KLF10: variants seen among roughly 807,000 people sequenced by gnomAD.
KLF10 encodes KLF transcription factor 10.
Under a neutral mutation model 31.6 loss-of-function variants are expected in KLF10, and 17 were observed. The observed-to-expected ratio is 0.54, with a 90% confidence interval of 0.37 to 0.81. KLF10 has a LOEUF of 0.81. Ranked by LOEUF, KLF10 falls within the 30% of genes least tolerant of loss-of-function variation. The probability of loss-of-function intolerance (pLI) is 0.00; values close to 1 mark genes in which losing one functional copy is unlikely to be tolerated. For missense variants in KLF10, 525 were observed against 598.1 expected (o/e 0.88, Z 1.27); for synonymous variants, 239 against 215.1 (o/e 1.11, Z -0.97).
chr8:102,650,134 A>C lies in KLF10; in HGVS notation c.1441T>G (p.Ter481GlyextTer5). Reference sequence around the variant, plus strand: ...CTGACTCTTCACTTTCCGGTCTGTCACTGTGTGGGAGCAGGGGTTGGAGGT... The same window carrying C: ...CTGACTCTTCACTTTCCGGTCTGTCCCTGTGTGGGAGCAGGGGTTGGAGGT... ...ALPPTPAPTQ* is the reference protein window; with the variant it reads ...ALPPTPAPTQG Residue 481 changes from the stop codon to glycine (G), a stop_lost, in exon 4 of 4, where the codon TGA becomes GGA. Transcript: ENST00000285407. 6.2e-7 allele frequency: 1 copy of C among 1,614,092 alleles called. No homozygotes were observed. The highest frequency in any genetic ancestry group is 8.5e-7 in the Non-Finnish European group (1 of 1,179,972).
At position 102,649,728 on chromosome 8, in the gene KLF10, T is replaced by C. The variant is rs537662986; in HGVS notation, c.*404A>G. 2.8e-4 allele frequency: 56 copies of C among 202,908 alleles called. No individual in the cohort carries two copies. The highest frequency in any genetic ancestry group is 5.4e-4 in the Non-Finnish European group (53 of 98,202). 12.6% of individuals were successfully genotyped at this position (202,908 alleles called of 1,614,324 possible). Reference sequence around the variant, plus strand: ...CTCCATGTCTGTACCGTAATGTTTATTTCCTTCCAGCCTCCATATTCTTGA... The same window carrying C: ...CTCCATGTCTGTACCGTAATGTTTACTTCCTTCCAGCCTCCATATTCTTGA... On this transcript the variant is annotated 3_prime_UTR_variant, in exon 4 of 4. Coordinates refer to ENST00000285407, the MANE Select transcript of KLF10 (RefSeq NM_005655.4).
chr8:102,650,408 C>G lies in KLF10; in HGVS notation c.1184-17G>C, dbSNP rs142907088. 2.1e-5 allele frequency: 34 copies of G among 1,607,338 alleles called. No individual in the cohort carries two copies. Among genetic ancestry groups the G allele is most frequent in the Non-Finnish European group, 2.7e-5 (32 of 1,174,992 alleles). Reference sequence around the variant, plus strand: ...GCTTTTCTCCTAAAACAAAGACATACAAATCATTATTATGCATAAGATTGC... The same window carrying G: ...GCTTTTCTCCTAAAACAAAGACATAGAAATCATTATTATGCATAAGATTGC... On this transcript the variant is annotated splice_polypyrimidine_tract_variant and intron_variant, in intron 3 of 3. Coordinates refer to ENST00000285407, the MANE Select transcript of KLF10 (RefSeq NM_005655.4).
chr8:102,653,737 G>A lies in KLF10; in HGVS notation c.37-1340C>T, dbSNP rs960492377. ...CGCGTGTGTGTAACAGCCCCAAGAC[G>A]CCAATGCAAAAAAAGGAAAAAAGAA... On this transcript the variant is annotated intron_variant, in intron 1 of 3. Coordinates refer to ENST00000285407, the MANE Select transcript of KLF10 (RefSeq NM_005655.4). 11 of 1,162,570 alleles carry A rather than the reference G, an allele frequency of 9.5e-6. No individual in the cohort carries two copies. The African/African-American group carries it at 1.8e-4, about 19-fold the overall frequency. The allele number at this position is 1,162,570 out of a possible 1,614,324, so 72.0% of individuals were successfully genotyped here.
At chr8:102,652,727 C>G (rs1827246863) in intron 1 of KLF10, among the ~76,000 whole-genome samples, 1 of 152,068 alleles carries the variant, frequency 6.6e-6, no homozygotes, top group African/African-American at 2.4e-5. Flanking sequence ...CGAAAATTAT[C>G]AATGCATTTG....
Position 102,651,791 on chromosome 8 carries a change from G to C in KLF10, c.541C>G (p.Gln181Glu). The change falls in exon 3 of 4, where the codon CAG (glutamine) becomes GAG (glutamate). Residue 181 changes from glutamine to glutamate, a missense_variant. By Grantham distance (29) the Gln-to-Glu change is conservative. Coordinates refer to ENST00000285407, the MANE Select transcript of KLF10 (RefSeq NM_005655.4). ...PMKAASILNY[Q>E]NNSFRRRTHL... ...GTTCTTCTTCTAAAAGAATTGTTCT[G>C]ATAGTTGAGGATGCTGGCTGCTTTC... 3 of 1,614,214 alleles carry C rather than the reference G, an allele frequency of 1.9e-6. No individual in the cohort carries two copies.
At chr8:102,651,026 T>G in intron 3 of KLF10, 123 bp downstream of exon 3, 1 of 913,844 alleles carries the variant, frequency 1.1e-6, no homozygotes, top group Non-Finnish European at 1.6e-6. Flanking sequence ...GACCTTGCAC[T>G]GGTAAATACC....
rs1827212561 is a variant in KLF10 at position 102,651,554 on chromosome 8, G to A, written c.778C>T (p.Pro260Ser). Residue 260 changes from proline to serine, a missense_variant, in exon 3 of 4, where the codon CCT (proline) becomes TCT (serine). Coordinates refer to ENST00000285407, the MANE Select transcript of KLF10 (RefSeq NM_005655.4). ...PQQKSVLVSPPAVSAGGVPPM... is the reference protein window; with the variant it reads ...PQQKSVLVSPSAVSAGGVPPM... ...GGCACTCCCCCTGCAGATACTGCAG[G>A]TGGAGAGACCAACACTGACTTCTGT... 1 of 1,614,120 alleles carries A rather than the reference G, an allele frequency of 6.2e-7. No individual in the cohort carries two copies. The highest frequency in any genetic ancestry group is 2.2e-5 in the East Asian group (1 of 44,888).
chr8:102,653,400 T>C (rs1215498838), intron 1 of KLF10: 3 of 1,322,756 alleles, frequency 2.3e-6, no homozygotes, highest in Non-Finnish European at 3.1e-6. Flanking sequence ...TTTGCACTTA[T>C]TTGTAGAACT....
Position 102,649,990 on chromosome 8 carries a change from G to A in KLF10, c.*142C>T, listed in dbSNP as rs1354896113. ...GAAGCCCTTTTAGTCACCTAACCCA[G>A]GCGGGGCCTTCGTGCCAGGCTGTGG... is the stretch of plus-strand genomic sequence containing the variant. On this transcript the variant is annotated 3_prime_UTR_variant, in exon 4 of 4. Transcript: ENST00000285407. 2.8e-6 allele frequency: 3 copies of A among 1,089,088 alleles called. No individual in the cohort carries two copies. Among genetic ancestry groups the A allele is most frequent in the Non-Finnish European group, 3.9e-6 (3 of 773,486 alleles). The allele number at this position is 1,089,088 out of a possible 1,614,324, so 67.5% of individuals were successfully genotyped here.
At chr8:102,655,538 A>G in intron 1 of KLF10, 28 bp downstream of exon 1, 1 of 1,613,700 alleles carries the variant, frequency 6.2e-7, no homozygotes. Flanking sequence ...CAGGCGAGGA[A>G]GCACAGGGGC....
intron 1 of KLF10, among the ~76,000 whole-genome samples, chr8:102,654,645 C>T (rs1158327263): frequency 1.3e-5 from 2 of 152,054 alleles, no homozygotes; most frequent in East Asian, 1.9e-4. Flanking sequence ...CGCGGCGCCC[C>T]CTCCCCGTGG....
chr8:102,651,531 C>T lies in KLF10; in HGVS notation c.801G>A (p.Val267=). ...VSPPAVSAGG[V]PPMPVICQMV... is the part of the protein sequence containing the mutation. The stretch of plus-strand genomic sequence containing the variant: ...TCTGGCAGATGACCGGCATAGGTGG[C>T]ACTCCCCCTGCAGATACTGCAGGTG... The change falls in exon 3 of 4, where the codon GTG becomes GTA. Residue 267 remains valine, a synonymous_variant. Transcript: ENST00000285407. 2 of 1,613,446 alleles carry T rather than the reference C, an allele frequency of 1.2e-6. No individual in the cohort carries two copies. The highest frequency in any genetic ancestry group is 1.7e-6 in the Non-Finnish European group (2 of 1,179,494).
Position 102,649,807 on chromosome 8 carries a change from AAAAGT to A in KLF10, c.*320_*324del, listed in dbSNP as rs1254015465. ...AAAGTTGGTCTCAAGTATAAACAGCAAAAGTAAAGTAACAAATATGCACACAGATT... is the reference window on the plus strand; with the variant it reads ...AAAGTTGGTCTCAAGTATAAACAGCAAAAGTAACAAATATGCACACAGATT... On this transcript the variant is annotated 3_prime_UTR_variant, in exon 4 of 4. Transcript: ENST00000285407. 2.4e-4 allele frequency: 74 copies of A among 311,974 alleles called. 1 individual carries two copies. The Middle Eastern group carries it at 5.7e-3, about 24-fold the overall frequency. The allele number at this position is 311,974 out of a possible 1,614,324, so 19.3% of individuals were successfully genotyped here.
chr8:102,651,575 T>G lies in KLF10; in HGVS notation c.757A>C (p.Lys253Gln). The G allele has an allele frequency of 6.2e-7, 1 of 1,614,160 alleles. No homozygotes were observed. Among genetic ancestry groups the G allele is most frequent in the Non-Finnish European group, 8.5e-7 (1 of 1,180,036 alleles). Residue 253 changes from lysine to glutamine, a missense_variant, in exon 3 of 4, where the codon AAG becomes CAG. Around this residue, in one of 3 missense-constraint regions of KLF10, gnomAD observed 434 missense variants for 450.7 expected, o/e 0.96. Coordinates refer to ENST00000285407, the MANE Select transcript of KLF10 (RefSeq NM_005655.4). ...SQPAPVSPQQKSVLVSPPAVS... is the reference protein window; with the variant it reads ...SQPAPVSPQQQSVLVSPPAVS... The stretch of plus-strand genomic sequence containing the variant: ...GCAGGTGGAGAGACCAACACTGACT[T>G]CTGTTGTGGGGACACAGGGGCTGGC...
In KLF10 at chr8:102,655,648, G is replaced by A. The variant is rs368518760; in HGVS notation, c.-47C>T. 1.5e-4 allele frequency: 243 copies of A among 1,609,100 alleles called. No homozygotes were observed. The highest frequency in any genetic ancestry group is 1.9e-4 in the Non-Finnish European group (228 of 1,177,338). ...CGGCAAGCTGACTGGCTGCTAGGCT[G>A]CTGGCTGCTTGGCCACAGACGGGCG... On this transcript the variant is annotated 5_prime_UTR_variant, in exon 1 of 4. Transcript: ENST00000285407.
chr8:102,652,429 A>G (rs1827239329), intron 1 of KLF10, 32 bp from the exon 2 acceptor site: 3 of 1,337,114 alleles, frequency 2.2e-6, no homozygotes, highest in African/African-American at 3.0e-5. Context: ...GCTTATAAGC[A>G]TATTTTTTGT....
chr8:102,649,220 C>T lies in KLF10; in HGVS notation c.*912G>A, dbSNP rs1443138959. Reference sequence around the variant, plus strand: ...ATTATATCCTCATAACATAAAGGTACTTTACTGATGACATAAGCCATCTTT... The same window carrying T: ...ATTATATCCTCATAACATAAAGGTATTTTACTGATGACATAAGCCATCTTT... On this transcript the variant is annotated 3_prime_UTR_variant, in exon 4 of 4. Transcript: ENST00000285407. 1.3e-5 allele frequency: 2 copies of T among 152,592 alleles called. No homozygotes were observed. The highest frequency in any genetic ancestry group is 2.9e-5 in the Non-Finnish European group (2 of 68,022). The allele number at this position is 152,592 out of a possible 1,614,324, so 9.5% of individuals were successfully genotyped here. A position where few individuals can be genotyped will look rare whatever the true frequency, so the allele number is the denominator to read the frequency against.
intron 1 of KLF10, chr8:102,653,326 A>C: frequency 1.4e-6 from 1 of 697,946 alleles, no homozygotes; most frequent in Non-Finnish European, 2.1e-6. Context: ...AAGTCAGCAT[A>C]ATCAAAGTAG....
chr8:102,651,057 G>T (rs1423635355), intron 3 of KLF10, 92 bp downstream of exon 3: 2 of 1,233,248 alleles, frequency 1.6e-6, no homozygotes, highest in South Asian at 1.7e-5. Context: ...CTAGCTAAAG[G>T]CAAGTTATTC....
Sources: gnomAD v4.1 joint callset for allele counts (sites outside exome capture counted in the v4.1 genomes callset) on GRCh38, gnomAD v4.1.1 for gene constraint, gnomAD v4.1.1 regional missense constraint, MANE v1.5 for transcripts, NCBI Gene and HGNC (gene_info 2026-07-23, HGNC 2026-07-21) for gene names.